TOX: variants seen among roughly 807,000 people sequenced by gnomAD.
TOX encodes thymocyte selection-associated high mobility group box protein TOX.
In TOX, 11 loss-of-function variants were observed where a neutral mutation model predicts 53.7. The ratio of observed to expected loss-of-function variants is 0.20; its 90% CI spans 0.13 to 0.34. The LOEUF is 0.34. TOX is among the 10% of genes least tolerant of loss of function. The pLI is 1.00. For synonymous variants in TOX, 225 were observed against 245.3 expected (o/e 0.92, Z 0.77); for missense variants, 570 against 664.6 (o/e 0.86, Z 1.56).
intron 1 of TOX, among the ~76,000 whole-genome samples, chr8:59,056,430 C>T (rs188997830): frequency 2.4e-3 from 20 of 8,472 alleles, no homozygotes; most frequent in African/African-American, 0.014. Flanking sequence ...AGGCCCTCTC[C>T]GAAAAAAAAA....
intron 3 of TOX, among the ~76,000 whole-genome samples, chr8:58,909,745 C>T (rs757160273): frequency 5.9e-5 from 9 of 151,872 alleles, no homozygotes; most frequent in Non-Finnish European, 1.2e-4. Context: ...GCAACCTCCA[C>T]CTCCTGGGTT....
chr8:58,818,969 C>A (rs890576821), intron 6 of TOX, among the ~76,000 whole-genome samples: 1 of 152,212 alleles, frequency 6.6e-6, no homozygotes, highest in Non-Finnish European at 1.5e-5. Context: ...TGAGGAAAAA[C>A]CTGCTTCTGG....
intron 4 of TOX, among the ~76,000 whole-genome samples, chr8:58,838,720 T>TTTTTTTTTTTTTTTTTTTTTTTTG (rs60306655): frequency 7.6e-6 from 1 of 131,862 alleles, no homozygotes; most frequent in African/African-American, 2.8e-5. Flanking sequence ...TTTTTTTTTT[T>TTTTTTTTTTTTTTTTTTTTTTTTG]GAGATGGAGT....
At chr8:59,031,269 T>C (rs1385401257) in intron 1 of TOX, among the ~76,000 whole-genome samples, 6 of 152,224 alleles carry the variant, frequency 3.9e-5, no homozygotes, top group African/African-American at 1.4e-4. Context: ...AAATTGTTTA[T>C]GTGTTGGTTA....
rs76634062 is a variant in TOX, at chr8:58,811,505, T to A, written c.1393-3236A>T. On this transcript the variant is annotated intron_variant, in intron 7 of 8. Coordinates refer to ENST00000361421, the MANE Select transcript of TOX (RefSeq NM_014729.3). ...GCACAACCAAACAGTGATCCTCATATCCACACTTTACTGGGAACTAATTTC... is the reference window on the plus strand; with the variant it reads ...GCACAACCAAACAGTGATCCTCATAACCACACTTTACTGGGAACTAATTTC... 1.4e-3 allele frequency among the ~76,000 whole-genome samples: 211 copies of A among 152,338 alleles called. 2 individuals carry two copies. The highest frequency in any genetic ancestry group is 4.9e-3 in the African/African-American group (205 of 41,572).
chr8:59,028,820 G>C (rs1231892592), intron 1 of TOX, among the ~76,000 whole-genome samples: 1 of 152,072 alleles, frequency 6.6e-6, no homozygotes, highest in Non-Finnish European at 1.5e-5. Flanking sequence ...AAAGACAATT[G>C]CTGATCTACC....
chr8:58,938,723 A>T (rs1229918040), intron 3 of TOX, among the ~76,000 whole-genome samples: 1 of 152,230 alleles, frequency 6.6e-6, no homozygotes, highest in Non-Finnish European at 1.5e-5. Flanking sequence ...TGAAAAATTA[A>T]TGGGAATTCA....
At chr8:59,091,454 T>C (rs1804605270) in intron 1 of TOX, among the ~76,000 whole-genome samples, 2 of 152,088 alleles carry the variant, frequency 1.3e-5, no homozygotes, top group South Asian at 4.2e-4. Flanking sequence ...CCCTTAAAAC[T>C]TGGGTTATCT....
intron 1 of TOX, among the ~76,000 whole-genome samples, chr8:59,114,632 G>A (rs1468147709): frequency 6.6e-6 from 1 of 152,192 alleles, no homozygotes; most frequent in Non-Finnish European, 1.5e-5. Context: ...GGAGGTGGAT[G>A]AAGAACTAAT....
chr8:58,975,275 G>C (rs1375460783), intron 1 of TOX, among the ~76,000 whole-genome samples: 2 of 150,050 alleles, frequency 1.3e-5, no homozygotes, highest in African/African-American at 4.9e-5. Flanking sequence ...CCCACACAGA[G>C]AGAGAGAGAG....
rs183091540 is a variant in TOX at position 58,839,881 on chromosome 8, G to A, written c.694-1570C>T. The stretch of plus-strand genomic sequence containing the variant: ...TGTGGATATGATTTCAGAGGAACTC[G>A]CTTCATGCCTTCTTTTTATTATTTT... On this transcript the variant is annotated intron_variant, in intron 4 of 8. Coordinates refer to ENST00000361421, the MANE Select transcript of TOX (RefSeq NM_014729.3). 6.7e-3 allele frequency among the ~76,000 whole-genome samples: 1,015 copies of A among 152,260 alleles called. 9 individuals carry two copies. Among genetic ancestry groups the A allele is most frequent in the Non-Finnish European group, 9.3e-3 (631 of 68,008 alleles).
rs1173710545 is a variant in TOX, at chr8:58,873,958, C to CTTTTTTTTTTTTTTTT, written c.412-22169_412-22154dup. Among the ~76,000 whole-genome samples the CTTTTTTTTTTTTTTTT allele has an allele frequency of 1.9e-3, 78 of 40,136 alleles. 25 individuals are homozygous for CTTTTTTTTTTTTTTTT. The highest frequency in any genetic ancestry group is 0.011 in the African/African-American group (61 of 5,792). 26.3% of individuals were successfully genotyped at this position (40,136 alleles called of 152,430 possible). Reference sequence around the variant, plus strand: ...AATACACATCCTGAATGCCAGGAAGCTTTTTTTTTTTTTTTTTTTTTTTTT... The same window carrying CTTTTTTTTTTTTTTTT: ...AATACACATCCTGAATGCCAGGAAGCTTTTTTTTTTTTTTTTTTTTTTTTTTTTTTTTTTTTTTTTT... On this transcript the variant is annotated intron_variant, in intron 3 of 8. Transcript: ENST00000361421.
At chr8:58,941,663 G>A (rs916639808) in intron 2 of TOX, among the ~76,000 whole-genome samples, 6 of 152,138 alleles carry the variant, frequency 3.9e-5, no homozygotes, top group Non-Finnish European at 8.8e-5. Flanking sequence ...CCCACCCACT[G>A]AAATTATATG....
chr8:59,090,032 A>G (rs1019951373), intron 1 of TOX, among the ~76,000 whole-genome samples: 3 of 152,254 alleles, frequency 2.0e-5, no homozygotes, highest in Admixed American at 2.0e-4. Context: ...CTTTCAGTGC[A>G]CTATGGCAAG....
At chr8:58,869,997 C>A (rs73249041) in intron 3 of TOX, among the ~76,000 whole-genome samples, 4 of 152,120 alleles carry the variant, frequency 2.6e-5, no homozygotes, top group African/African-American at 9.6e-5. Flanking sequence ...TGAAAGCTTT[C>A]CTGCTAAGAT....
rs552701309 is a variant in TOX at position 59,072,404 on chromosome 8, C to G, written c.102+46482G>C. Reference sequence around the variant, plus strand: ...TGCCACTGCTGGACTCCAGTAGATTCAATGATATCATCATAACCAAAAGAC... The same window carrying G: ...TGCCACTGCTGGACTCCAGTAGATTGAATGATATCATCATAACCAAAAGAC... On this transcript the variant is annotated intron_variant, in intron 1 of 8. Coordinates refer to ENST00000361421, the MANE Select transcript of TOX (RefSeq NM_014729.3). Among the ~76,000 whole-genome samples, 17 of 152,226 alleles carry G rather than the reference C, an allele frequency of 1.1e-4. No individual in the cohort carries two copies. In the South Asian group the frequency reaches 3.5e-3, roughly 32 times the overall value.
intron 1 of TOX, among the ~76,000 whole-genome samples, chr8:58,993,427 T>C (rs1813493195): frequency 6.6e-6 from 1 of 152,194 alleles, no homozygotes; most frequent in South Asian, 2.1e-4. Context: ...AGGATGAACC[T>C]GTCAAGTAAG....
chr8:59,086,802 A>G (rs772534301), intron 1 of TOX, among the ~76,000 whole-genome samples: 2 of 152,218 alleles, frequency 1.3e-5, no homozygotes, highest in Non-Finnish European at 2.9e-5. Context: ...TGTGGCCTTA[A>G]GGCACTCTCT....
intron 2 of TOX, among the ~76,000 whole-genome samples, chr8:58,949,278 T>C (rs1032849017): frequency 1.3e-5 from 2 of 152,226 alleles, no homozygotes; most frequent in Admixed American, 1.3e-4. Context: ...CAATAAATAT[T>C]ATCAACATTA....
Sources: gnomAD v4.1 joint callset for allele counts (sites outside exome capture counted in the v4.1 genomes callset) on GRCh38, gnomAD v4.1.1 for gene constraint, MANE v1.5 for transcripts, NCBI Gene and HGNC (gene_info 2026-07-23, HGNC 2026-07-21) for gene names.